GRIK4: variants seen among roughly 807,000 people sequenced by gnomAD.
GRIK4 encodes glutamate ionotropic receptor kainate type subunit 4.
GRIK4 carries 40 observed loss-of-function variants against 104.9 expected under a neutral mutation model. The observed-to-expected ratio is 0.38, with a 90% CI of 0.30 to 0.50. The LOEUF (loss-of-function observed/expected upper bound fraction) is 0.50. Among genes scored for constraint, GRIK4 ranks in the 20% least tolerant of loss-of-function variants. The probability of loss-of-function intolerance (pLI) is 0.93; values close to 1 mark genes in which losing one functional copy is unlikely to be tolerated. For missense variants in GRIK4, 1,047 were observed against 1,308.1 expected (o/e 0.80, Z 3.08); for synonymous variants, 485 against 524.9 (o/e 0.92, Z 1.04).
At position 120,563,748 on chromosome 11, in the gene GRIK4, T is replaced by G. The variant is rs571716529; in HGVS notation, c.-159+51861T>G. Among the ~76,000 whole-genome samples the G allele has an allele frequency of 3.9e-5, 6 of 152,244 alleles. No individual in the cohort carries two copies. The East Asian group carries it at 7.7e-4, about 20-fold the overall frequency. Reference sequence around the variant, plus strand: ...AGGGTTAGTTGGCTCTGAATTCCCCTCCACCCTTCCCCAGGTCATTCAGAA... The same window carrying G: ...AGGGTTAGTTGGCTCTGAATTCCCCGCCACCCTTCCCCAGGTCATTCAGAA... On this transcript the variant is annotated intron_variant, in intron 1 of 20. Transcript: ENST00000527524.
intron 3 of GRIK4, among the ~76,000 whole-genome samples, chr11:120,717,999 G>A (rs73588352): frequency 0.018 from 2,751 of 152,230 alleles, 81 homozygotes; most frequent in African/African-American, 0.064. Context: ...AAAAGATTCC[G>A]AAAAGAATTA....
Position 120,597,882 on chromosome 11 carries a change from G to A in GRIK4, c.-158-55803G>A, listed in dbSNP as rs192807808. ...TTCAGGAGCGGGAGTGCCTGCCGTT[G>A]AAGACTCCTGTTCCGAGCCCTAATT... On this transcript the variant is annotated intron_variant, in intron 1 of 20. Coordinates refer to ENST00000527524, the MANE Select transcript of GRIK4 (RefSeq NM_014619.5). Among the ~76,000 whole-genome samples, 642 of 152,276 alleles carry A rather than the reference G, an allele frequency of 4.2e-3. 5 individuals carry two copies. Among genetic ancestry groups the A allele is most frequent in the Non-Finnish European group, 7.4e-3 (502 of 68,024 alleles).
At chr11:120,914,823 C>T (rs566139908) in intron 13 of GRIK4, among the ~76,000 whole-genome samples, 3 of 152,278 alleles carry the variant, frequency 2.0e-5, no homozygotes, top group African/African-American at 7.2e-5. Flanking sequence ...GTTACTCTAG[C>T]AGATGAGAGG....
intron 16 of GRIK4, among the ~76,000 whole-genome samples, chr11:120,958,632 G>A (rs1212564888): frequency 6.6e-6 from 1 of 152,236 alleles, no homozygotes; most frequent in African/African-American, 2.4e-5. Context: ...ACAGGAGCGA[G>A]GCTCCACTGA....
At chr11:120,858,010 A>G (rs982687888) in intron 8 of GRIK4, among the ~76,000 whole-genome samples, 3 of 152,202 alleles carry the variant, frequency 2.0e-5, no homozygotes, top group Admixed American at 1.3e-4. Flanking sequence ...CTTCACCCTC[A>G]TTCCCTGGTT....
intron 3 of GRIK4, among the ~76,000 whole-genome samples, chr11:120,666,959 G>A (rs1463097814): frequency 1.3e-5 from 2 of 152,208 alleles, no homozygotes; most frequent in South Asian, 4.1e-4. Flanking sequence ...GGAAATTATG[G>A]AAAGAGGTTT....
At chr11:120,846,987 A>G (rs948636196) in intron 8 of GRIK4, among the ~76,000 whole-genome samples, 2 of 151,906 alleles carry the variant, frequency 1.3e-5, no homozygotes, top group Non-Finnish European at 2.9e-5. Flanking sequence ...TTGATCTCTC[A>G]CCACCCCCTT....
At chr11:120,801,261 T>A (rs1316370209) in intron 3 of GRIK4, among the ~76,000 whole-genome samples, 2 of 152,248 alleles carry the variant, frequency 1.3e-5, no homozygotes, top group Non-Finnish European at 2.9e-5. Flanking sequence ...AGTCTCGCTC[T>A]GTCACCCAGG....
At chr11:120,955,854 C>T (rs890336044) in intron 15 of GRIK4, among the ~76,000 whole-genome samples, 1 of 151,524 alleles carries the variant, frequency 6.6e-6, no homozygotes, top group East Asian at 1.9e-4. Context: ...GAAACACAGA[C>T]AGGGAGAGCC....
intron 17 of GRIK4, 25 bp from the exon 18 acceptor site, chr11:120,962,431 C>T (rs2134734110): frequency 6.5e-7 from 1 of 1,533,852 alleles, no homozygotes; most frequent in South Asian, 1.1e-5. Context: ...TTTCCCAATC[C>T]TGCTTCCTTT....
intron 1 of GRIK4, among the ~76,000 whole-genome samples, chr11:120,585,448 A>G (rs890245947): frequency 6.6e-6 from 1 of 151,738 alleles, no homozygotes; most frequent in Non-Finnish European, 1.5e-5. Context: ...CTCCTGGTTC[A>G]AGCGATTCTG....
At chr11:120,637,328 G>A (rs926169927) in intron 1 of GRIK4, among the ~76,000 whole-genome samples, 8 of 152,236 alleles carry the variant, frequency 5.3e-5, no homozygotes, top group South Asian at 4.2e-4. Context: ...TCCAATGTCA[G>A]GGTGCCCTGG....
chr11:120,599,258 A>C (rs751386667), intron 1 of GRIK4, among the ~76,000 whole-genome samples: 13 of 152,234 alleles, frequency 8.5e-5, no homozygotes, highest in Non-Finnish European at 1.3e-4. Flanking sequence ...TCTCACAACT[A>C]GTCATTACCT....
chr11:120,658,250 T>C (rs1372922234), intron 2 of GRIK4, among the ~76,000 whole-genome samples: 1 of 152,198 alleles, frequency 6.6e-6, no homozygotes, highest in Non-Finnish European at 1.5e-5. Flanking sequence ...AACATTCCAC[T>C]GTGTGCATAT....
At chr11:120,699,923 T>A (rs945598631) in intron 3 of GRIK4, among the ~76,000 whole-genome samples, 1 of 152,132 alleles carries the variant, frequency 6.6e-6, no homozygotes, top group Admixed American at 6.5e-5. Flanking sequence ...GGTGTGAAGG[T>A]CAAACCACAG....
At chr11:120,874,539 A>G (rs1425168853) in intron 10 of GRIK4, among the ~76,000 whole-genome samples, 4 of 152,150 alleles carry the variant, frequency 2.6e-5, no homozygotes. Flanking sequence ...GCAAAGCTCC[A>G]CACAGCTGGG....
intron 13 of GRIK4, among the ~76,000 whole-genome samples, chr11:120,913,304 G>A (rs1943038291): frequency 1.3e-5 from 2 of 151,962 alleles, no homozygotes; most frequent in South Asian, 4.2e-4. Flanking sequence ...AGAGGATGTG[G>A]AGGGTGCCCA....
At chr11:120,557,868 A>G (rs999040581) in intron 1 of GRIK4, among the ~76,000 whole-genome samples, 7 of 151,812 alleles carry the variant, frequency 4.6e-5, no homozygotes, top group African/African-American at 1.7e-4. Flanking sequence ...TACAAAAAAA[A>G]TTAGCTGGGC....
rs117932101 is a variant in GRIK4, at chr11:120,902,634, C to T, written c.1273-2656C>T. Among the ~76,000 whole-genome samples, 179 of 152,248 alleles carry T rather than the reference C, an allele frequency of 1.2e-3. No homozygotes were observed. Among genetic ancestry groups the T allele is most frequent in the African/African-American group, 3.3e-3 (137 of 41,536 alleles). The stretch of plus-strand genomic sequence containing the variant: ...CCAGGTAGGGGAACCAAGCAGGTGA[C>T]GAGTCTGTCCCAGGACCCACTCCCA... On this transcript the variant is annotated intron_variant, in intron 12 of 20. Transcript: ENST00000527524. This position sits in a 1 kb window ranked among gnomAD's most constrained non-coding sequence, Gnocchi z 4.5.
Sources: gnomAD v4.1 joint callset for allele counts (sites outside exome capture counted in the v4.1 genomes callset) on GRCh38, gnomAD v4.1.1 for gene constraint, Gnocchi (gnomAD v3.1) non-coding constraint, MANE v1.5 for transcripts, NCBI Gene and HGNC (gene_info 2026-07-23, HGNC 2026-07-21) for gene names.